Variants in GMDS observed in about 807,000 individuals in gnomAD.
GMDS encodes the protein GDP-mannose 4,6-dehydratase, also known as GDP-mannose 4,6 dehydratase.
A neutral mutation model predicts 49.9 loss-of-function variants in GMDS; 20 were observed. That is an observed-to-expected ratio of 0.40 (90% CI 0.28 to 0.58). The LOEUF (loss-of-function observed/expected upper bound fraction) is 0.58. GMDS is among the 20% of genes least tolerant of loss of function. The pLI is 0.42. For synonymous variants in GMDS, 177 were observed against 178.6 expected (o/e 0.99, Z 0.07); for missense variants, 362 against 481.4 (o/e 0.75, Z 2.32).
intron 7 of GMDS, among the ~76,000 whole-genome samples, chr6:1,789,643 C>A (rs965527890): frequency 5.3e-5 from 8 of 151,694 alleles, no homozygotes; most frequent in African/African-American, 1.9e-4. Flanking sequence ...TCAAGCAATC[C>A]TCCCACCTTA....
At chr6:1,919,144 G>A (rs529897429) in intron 7 of GMDS, among the ~76,000 whole-genome samples, 13 of 152,188 alleles carry the variant, frequency 8.5e-5, no homozygotes, top group Non-Finnish European at 1.8e-4. Context: ...TGTTGGGAGG[G>A]ATGATTAAAG....
intron 1 of GMDS, among the ~76,000 whole-genome samples, chr6:2,196,789 ACT>A (rs1359872350): frequency 6.6e-6 from 1 of 151,986 alleles, no homozygotes; most frequent in African/African-American, 2.4e-5. Flanking sequence ...AATCTTTGTG[ACT>A]CTGACTTCAA....
chr6:2,010,023 A>T (rs1466379051), intron 4 of GMDS, among the ~76,000 whole-genome samples: 1 of 152,148 alleles, frequency 6.6e-6, no homozygotes, highest in African/African-American at 2.4e-5. Context: ...CAGGATAAAC[A>T]CAAGAAAAAC....
intron 9 of GMDS, among the ~76,000 whole-genome samples, chr6:1,705,079 A>G (rs1765684020): frequency 1.3e-5 from 2 of 152,240 alleles, no homozygotes; most frequent in Admixed American, 1.3e-4. Context: ...CTAAACGACA[A>G]AGCGATGACT....
At chr6:1,898,624 A>C (rs184120963) in intron 7 of GMDS, among the ~76,000 whole-genome samples, 15 of 152,316 alleles carry the variant, frequency 9.8e-5, no homozygotes, top group Middle Eastern at 3.4e-3. Flanking sequence ...GCATGGAAGA[A>C]AGACTTTGAA....
chr6:1,729,884 G>A (rs147991695), intron 8 of GMDS, among the ~76,000 whole-genome samples: 22 of 152,252 alleles, frequency 1.4e-4, no homozygotes, highest in African/African-American at 4.3e-4. Flanking sequence ...AAGACAAAGC[G>A]CTATGAAAAT....
intron 4 of GMDS, among the ~76,000 whole-genome samples, chr6:2,085,702 A>T (rs1006696488): frequency 9.2e-5 from 14 of 151,960 alleles, no homozygotes; most frequent in Admixed American, 3.9e-4. Flanking sequence ...TAATTTTTGT[A>T]TTTTTTGTAG....
At chr6:1,856,600 G>A (rs1356408357) in intron 7 of GMDS, among the ~76,000 whole-genome samples, 1 of 152,208 alleles carries the variant, frequency 6.6e-6, no homozygotes, top group Non-Finnish European at 1.5e-5. Flanking sequence ...GGCAATCCTG[G>A]CATACTGCCC....
chr6:1,931,944 C>G (rs772608676), intron 6 of GMDS, among the ~76,000 whole-genome samples: 4 of 152,200 alleles, frequency 2.6e-5, no homozygotes, highest in Non-Finnish European at 5.9e-5. Context: ...AGCCCCTGCT[C>G]TCAGGTATCA....
chr6:2,193,848 C>G (rs1779163639), intron 1 of GMDS, among the ~76,000 whole-genome samples: 1 of 151,176 alleles, frequency 6.6e-6, no homozygotes, highest in African/African-American at 2.4e-5. Context: ...CTCAGCCTCC[C>G]AAGTAGGTGG....
chr6:2,023,727 G>A (rs76696900), intron 4 of GMDS, among the ~76,000 whole-genome samples: 2,079 of 152,240 alleles, frequency 0.014, 49 homozygotes, highest in African/African-American at 0.048. Flanking sequence ...CCCCAAATGG[G>A]TAAGGTGAGT....
At chr6:2,145,669 AGC>A (rs1226428144) in intron 1 of GMDS, among the ~76,000 whole-genome samples, 11 of 152,262 alleles carry the variant, frequency 7.2e-5, no homozygotes, top group African/African-American at 2.4e-4. Flanking sequence ...ATAAAAAAAC[AGC>A]AATGCCACAT....
rs974963008 is a variant in GMDS at position 2,175,480 on chromosome 6, C to G, written c.103-50749G>C. Among the ~76,000 whole-genome samples, 13 of 152,332 alleles carry G rather than the reference C, an allele frequency of 8.5e-5. 1 individual carries two copies. In the Middle Eastern group the frequency reaches 0.02, roughly 239 times the overall value. ...CAAAAGAGACATCAGACCCACTACT[C>G]TGCAGATATTCCTGAGGGAGTTGTG... On this transcript the variant is annotated intron_variant, in intron 1 of 10. Transcript: ENST00000380815.
chr6:2,107,831 C>T (rs1022326476), intron 4 of GMDS, among the ~76,000 whole-genome samples: 2 of 152,208 alleles, frequency 1.3e-5, no homozygotes, highest in African/African-American at 4.8e-5. Flanking sequence ...GATATTAGGT[C>T]TAAATGCAAA....
chr6:1,750,966 T>C (rs1767699891), intron 7 of GMDS, among the ~76,000 whole-genome samples: 1 of 152,168 alleles, frequency 6.6e-6, no homozygotes, highest in South Asian at 2.1e-4. Context: ...GAAGTTCAAA[T>C]GCGGCGGAGC....
At chr6:1,652,501 TATA>T (rs1357222740) in intron 9 of GMDS, among the ~76,000 whole-genome samples, 27 of 7,318 alleles carry the variant, frequency 3.7e-3, no homozygotes, top group Non-Finnish European at 4.5e-3. Context: ...ATATTATTTA[TATA>T]ATATATTATA....
At chr6:2,201,731 C>G (rs1779544806) in intron 1 of GMDS, among the ~76,000 whole-genome samples, 1 of 117,422 alleles carries the variant, frequency 8.5e-6, no homozygotes, top group African/African-American at 3.3e-5. Flanking sequence ...GCAGTGAGGG[C>G]AGCATGTTAG....
Position 1,905,897 on chromosome 6 carries a change from CA to C in GMDS, c.771+24205del, listed in dbSNP as rs1373280410. Among the ~76,000 whole-genome samples the C allele has an allele frequency of 1.6e-3, 114 of 73,342 alleles. 12 individuals carry two copies. Among genetic ancestry groups the C allele is most frequent in the Middle Eastern group, 0.014 (2 of 144 alleles). 48.1% of individuals were successfully genotyped at this position (73,342 alleles called of 152,430 possible). A position where few individuals can be genotyped will look rare whatever the true frequency, so the allele number is the denominator to read the frequency against. On this transcript the variant is annotated intron_variant, in intron 7 of 10. Transcript: ENST00000380815. ...GGCATGTGACAATAACCCCATAGGCCATCTGGGAACACGTATGCAGGTGTCC... is the reference window on the plus strand; with the variant it reads ...GGCATGTGACAATAACCCCATAGGCCTCTGGGAACACGTATGCAGGTGTCC...
intron 2 of GMDS, among the ~76,000 whole-genome samples, chr6:2,119,296 A>G (rs754847098): frequency 6.6e-6 from 1 of 152,208 alleles, no homozygotes; most frequent in Non-Finnish European, 1.5e-5. Flanking sequence ...GATGCATTCC[A>G]TCTAAAATGC....
Sources: gnomAD v4.1 joint callset for allele counts (sites outside exome capture counted in the v4.1 genomes callset) on GRCh38, gnomAD v4.1.1 for gene constraint, MANE v1.5 for transcripts, NCBI Gene and HGNC (gene_info 2026-07-23, HGNC 2026-07-21) for gene names.